CDH10: variants seen among roughly 807,000 people sequenced by gnomAD.
The protein encoded by CDH10 is cadherin-10.
In CDH10, 30 loss-of-function variants were observed where a neutral mutation model predicts 73.1. That is an observed-to-expected ratio of 0.41 (90% CI 0.31 to 0.56). The LOEUF (loss-of-function observed/expected upper bound fraction) is 0.56, where lower values mean the gene tolerates loss of function less well. Ranked by LOEUF, CDH10 falls within the 20% of genes least tolerant of loss-of-function variation. CDH10 has a pLI of 0.27. For missense variants in CDH10, 815 were observed against 973.7 expected (o/e 0.84, Z 2.17); for synonymous variants, 345 against 348.2 (o/e 0.99, Z 0.10).
chr5:24,605,535 C>G (rs936318194), intron 1 of CDH10, among the ~76,000 whole-genome samples: 3 of 152,226 alleles, frequency 2.0e-5, no homozygotes, highest in African/African-American at 7.2e-5. Context: ...GAAAAACTGT[C>G]TTCCACGAAG....
intron 1 of CDH10, among the ~76,000 whole-genome samples, chr5:24,642,015 T>A (rs1178689408): frequency 2.0e-5 from 3 of 152,138 alleles, no homozygotes; most frequent in African/African-American, 7.2e-5. Context: ...TAGAATGTAA[T>A]TTGCATAGTA....
At chr5:24,532,672 A>G (rs1431022662) in intron 5 of CDH10, among the ~76,000 whole-genome samples, 1 of 152,168 alleles carries the variant, frequency 6.6e-6, no homozygotes. Context: ...ATATTTGAGT[A>G]TGTTTTATAT....
chr5:24,539,035 T>A (rs771690800), intron 2 of CDH10, among the ~76,000 whole-genome samples: 1 of 152,052 alleles, frequency 6.6e-6, no homozygotes, highest in African/African-American at 2.4e-5. Context: ...AAACTGTAGA[T>A]CTTAATTTCT....
In CDH10 at chr5:24,573,183, A is replaced by G. The variant is rs1003898382; in HGVS notation, c.231+20077T>C. 5.9e-5 allele frequency among the ~76,000 whole-genome samples: 9 copies of G among 152,056 alleles called. No individual in the cohort carries two copies. The South Asian group carries it at 1.9e-3, about 32-fold the overall frequency. ...ATAAATATATAAATAGAGCTCGGGAAAAAATTTGAAGAGTTAAAAAATAGT... is the reference window on the plus strand; with the variant it reads ...ATAAATATATAAATAGAGCTCGGGAGAAAATTTGAAGAGTTAAAAAATAGT... On this transcript the variant is annotated intron_variant, in intron 2 of 11. Coordinates refer to ENST00000264463, the MANE Select transcript of CDH10 (RefSeq NM_006727.5).
At chr5:24,561,036 T>C (rs1025860612) in intron 2 of CDH10, among the ~76,000 whole-genome samples, 38 of 152,270 alleles carry the variant, frequency 2.5e-4, no homozygotes, top group Non-Finnish European at 5.4e-4. Flanking sequence ...ATCGTTGTCT[T>C]GCAATAGTGT....
intron 2 of CDH10, among the ~76,000 whole-genome samples, chr5:24,583,968 G>T (rs1238282169): frequency 2.0e-5 from 3 of 152,106 alleles, no homozygotes; most frequent in African/African-American, 4.8e-5. Context: ...AATGGCGAAT[G>T]AGGTATAATG....
intron 1 of CDH10, among the ~76,000 whole-genome samples, chr5:24,608,453 C>G (rs997264929): frequency 6.6e-6 from 1 of 151,950 alleles, no homozygotes; most frequent in African/African-American, 2.4e-5. Flanking sequence ...CCACCACGCC[C>G]AGCTAATTTT....
intron 8 of CDH10, 68 bp downstream of exon 8, chr5:24,505,044 T>G: frequency 9.1e-7 from 1 of 1,093,990 alleles, no homozygotes; most frequent in Non-Finnish European, 1.3e-6. Context: ...TAAAATATGT[T>G]AAACTGCATA....
In CDH10 at chr5:24,595,555, A is replaced by G. The variant is rs187157531; in HGVS notation, c.-123-1942T>C. Among the ~76,000 whole-genome samples the G allele has an allele frequency of 3.4e-3, 516 of 152,034 alleles. 1 individual carries two copies. The highest frequency in any genetic ancestry group is 0.012 in the African/African-American group (487 of 41,534). ...TACATCACAAAGCACTGGAACTCAAATTGATTGGATTCTAAGTAATAGGAA... is the reference window on the plus strand; with the variant it reads ...TACATCACAAAGCACTGGAACTCAAGTTGATTGGATTCTAAGTAATAGGAA... On this transcript the variant is annotated intron_variant, in intron 1 of 11. Transcript: ENST00000264463.
intron 2 of CDH10, among the ~76,000 whole-genome samples, chr5:24,545,632 C>G (rs934578241): frequency 3.3e-5 from 5 of 151,892 alleles, no homozygotes; most frequent in Admixed American, 1.3e-4. Flanking sequence ...CTAGGCAACA[C>G]AGACTCCTCT....
intron 1 of CDH10, among the ~76,000 whole-genome samples, chr5:24,618,231 A>G (rs2112161119): frequency 6.6e-6 from 1 of 152,296 alleles, no homozygotes; most frequent in Middle Eastern, 3.4e-3. Context: ...TTTGATTGCA[A>G]AATTTCTGAG....
intron 5 of CDH10, among the ~76,000 whole-genome samples, chr5:24,518,236 C>T (rs955924645): frequency 2.0e-5 from 3 of 152,068 alleles, no homozygotes; most frequent in Non-Finnish European, 4.4e-5. Context: ...ATCTCTGAAA[C>T]GTTTATTATA....
chr5:24,583,791 T>C (rs10942063), intron 2 of CDH10, among the ~76,000 whole-genome samples: 58,518 of 151,994 alleles, frequency 0.39, 13,693 homozygotes, highest in East Asian at 0.53. Flanking sequence ...ATTACAGGCA[T>C]GTGCCACCAA....
intron 8 of CDH10, among the ~76,000 whole-genome samples, chr5:24,504,804 G>A (rs1184883977): frequency 2.0e-5 from 3 of 151,926 alleles, no homozygotes; most frequent in African/African-American, 7.3e-5. Flanking sequence ...GATTACAGGC[G>A]TGAGCCACCG....
chr5:24,513,066 C>T (rs1463007147), intron 5 of CDH10, among the ~76,000 whole-genome samples: 1 of 147,712 alleles, frequency 6.8e-6, no homozygotes, highest in East Asian at 2.0e-4. Context: ...TCACTCAGTG[C>T]TGGAGTGCAG....
chr5:24,614,267 C>A (rs1747055733), intron 1 of CDH10, among the ~76,000 whole-genome samples: 2 of 152,088 alleles, frequency 1.3e-5, no homozygotes, highest in Admixed American at 1.3e-4. Context: ...AAAATGCAAA[C>A]AAGTATGGAT....
chr5:24,548,917 A>T (rs966392990), intron 2 of CDH10, among the ~76,000 whole-genome samples: 1 of 152,150 alleles, frequency 6.6e-6, no homozygotes, highest in Non-Finnish European at 1.5e-5. Context: ...AACAAGGCTG[A>T]AAAATAGCTA....
intron 2 of CDH10, among the ~76,000 whole-genome samples, chr5:24,566,042 T>G (rs567885536): frequency 1.3e-5 from 2 of 152,094 alleles, no homozygotes; most frequent in Non-Finnish European, 2.9e-5. Flanking sequence ...AATAACATCA[T>G]AGTTTTTTGT....
In CDH10 at chr5:24,597,887, CCTT is replaced by C. The variant is rs371008072; in HGVS notation, c.-123-4277_-123-4275del. 8.0e-3 allele frequency among the ~76,000 whole-genome samples: 1,216 copies of C among 151,758 alleles called. 13 individuals are homozygous for C. Among genetic ancestry groups the C allele is most frequent in the South Asian group, 0.038 (183 of 4,806 alleles). ...TTCTTGGCTAATAAAAGGAATTAGT[CCTT>C]CTTCAGTCAATTTATTATGTTGATT... On this transcript the variant is annotated intron_variant, in intron 1 of 11. Coordinates refer to ENST00000264463, the MANE Select transcript of CDH10 (RefSeq NM_006727.5).
Sources: gnomAD v4.1 joint callset for allele counts (sites outside exome capture counted in the v4.1 genomes callset) on GRCh38, gnomAD v4.1.1 for gene constraint, MANE v1.5 for transcripts, NCBI Gene and HGNC (gene_info 2026-07-23, HGNC 2026-07-21) for gene names.